The following RABEP1 variants were observed in gnomAD, a reference collection of about 807,000 sequenced individuals.
RABEP1 encodes rabaptin, RAB GTPase binding effector protein 1.
Under a neutral mutation model 123.4 loss-of-function variants are expected in RABEP1, and 51 were observed. That is an observed-to-expected ratio of 0.41 (90% CI 0.33 to 0.52). RABEP1 has a LOEUF of 0.52. Among genes scored for constraint, RABEP1 ranks in the 20% least tolerant of loss-of-function variants. RABEP1 has a pLI of 0.16. For missense variants in RABEP1, 888 were observed against 996.3 expected (o/e 0.89, Z 1.46); for synonymous variants, 347 against 355.2 (o/e 0.98, Z 0.26).
intron 1 of RABEP1, among the ~76,000 whole-genome samples, chr17:5,299,379 GTTTT>G (rs796302510): frequency 1.5e-5 from 2 of 135,978 alleles, no homozygotes; most frequent in Non-Finnish European, 3.2e-5. Flanking sequence ...TGTGTAGCAG[GTTTT>G]TTTTTTTTTT....
In RABEP1 at chr17:5,373,369, A is replaced by G. The variant is rs1910683579; in HGVS notation, c.1940A>G (p.Lys647Arg). ...QVSEELVRLQ[K>R]DNDSLQGKHS... ...TCAGAAGAGCTGGTGAGGTTACAGA[A>G]AGATAATGACAGTCTCCAGGGAAAG... Residue 647 changes from lysine to arginine, a missense_variant, in exon 13 of 18, where the codon AAA (lysine) becomes AGA (arginine). Transcript: ENST00000537505. 4 of 1,613,434 alleles carry G rather than the reference A, an allele frequency of 2.5e-6. No homozygotes were observed. The South Asian group carries it at 4.4e-5, about 18-fold the overall frequency.
chr17:5,381,372 A>C lies in RABEP1; in HGVS notation c.2371-17A>C. 2 of 1,605,888 alleles carry C rather than the reference A, an allele frequency of 1.2e-6. No homozygotes were observed. The highest frequency in any genetic ancestry group is 1.3e-5 in the African/African-American group (1 of 74,550). ...GCCCTTTGGCATTAATCTTCATTCA[A>C]AACTTGTATTTTTTAGGCTACCGTT... On this transcript the variant is annotated splice_polypyrimidine_tract_variant and intron_variant, in intron 16 of 17. Transcript: ENST00000537505.
rs749090013 is a variant in RABEP1, at chr17:5,361,321, G to A, written c.1209G>A (p.Arg403=). 21 of 1,614,134 alleles carry A rather than the reference G, an allele frequency of 1.3e-5. No homozygotes were observed. The highest frequency in any genetic ancestry group is 3.3e-5 in the Admixed American group (2 of 60,010). ...SDNDMFKDGL[R]RAQSTDSLGT... is the part of the protein sequence containing the mutation. ...ATGACATGTTTAAAGATGGACTCAGGAGAGCACAGTCTACAGACAGCTTGG... is the reference window on the plus strand; with the variant it reads ...ATGACATGTTTAAAGATGGACTCAGAAGAGCACAGTCTACAGACAGCTTGG... Residue 403 remains arginine (R), a synonymous_variant, in exon 9 of 18, where the codon AGG becomes AGA. Coordinates refer to ENST00000537505, the MANE Select transcript of RABEP1 (RefSeq NM_004703.6).
chr17:5,291,287 G>T (rs1342091855), intron 1 of RABEP1, among the ~76,000 whole-genome samples: 2 of 152,076 alleles, frequency 1.3e-5, no homozygotes, highest in East Asian at 3.9e-4. Flanking sequence ...GTGGGCACGT[G>T]TAACCCCAGC....
intron 1 of RABEP1, among the ~76,000 whole-genome samples, chr17:5,293,896 A>C (rs973766623): frequency 6.6e-6 from 1 of 152,072 alleles, no homozygotes; most frequent in Non-Finnish European, 1.5e-5. Context: ...TCAATTATTA[A>C]GTTGTTTCTA....
intron 2 of RABEP1, among the ~76,000 whole-genome samples, chr17:5,327,622 A>G (rs1055211188): frequency 6.6e-6 from 1 of 152,154 alleles, no homozygotes; most frequent in Non-Finnish European, 1.5e-5. Flanking sequence ...CCATGAGTGT[A>G]TGGTTACTGG....
intron 5 of RABEP1, among the ~76,000 whole-genome samples, chr17:5,344,970 A>G (rs1488439663): frequency 6.6e-6 from 1 of 151,774 alleles, no homozygotes; most frequent in Admixed American, 6.6e-5. Flanking sequence ...CTCAGAAAAA[A>G]AAATAAAAAA....
chr17:5,315,347 C>T (rs945104055), intron 2 of RABEP1, among the ~76,000 whole-genome samples: 1 of 152,160 alleles, frequency 6.6e-6, no homozygotes, highest in Admixed American at 6.6e-5. Flanking sequence ...GTACTGAGTT[C>T]TTCCTCCTAG....
chr17:5,299,725 CT>C (rs201875944), intron 1 of RABEP1, among the ~76,000 whole-genome samples: 1 of 104,086 alleles, frequency 9.6e-6, no homozygotes, highest in Non-Finnish European at 1.8e-5. Flanking sequence ...TTTTCTTTTT[CT>C]TTTTCTTTTT....
intron 1 of RABEP1, among the ~76,000 whole-genome samples, chr17:5,292,016 C>T (rs1197486887): frequency 6.6e-6 from 1 of 152,242 alleles, no homozygotes; most frequent in Admixed American, 6.5e-5. Context: ...ACAACATTCT[C>T]GTACATTAAT....
At position 5,386,072 on chromosome 17, in the gene RABEP1, A is replaced by G. The variant is rs2144754351; in HGVS notation, c.*2849A>G. On this transcript the variant is annotated 3_prime_UTR_variant, in exon 18 of 18. Coordinates refer to ENST00000537505, the MANE Select transcript of RABEP1 (RefSeq NM_004703.6). The stretch of plus-strand genomic sequence containing the variant: ...ATTTACTCAATTATTATAAAACAAC[A>G]TATTTAAAAAGATGAACCACACCAA... The G allele has an allele frequency of 1.6e-6, 1 of 637,086 alleles. No homozygotes were observed. Among genetic ancestry groups the G allele is most frequent in the Non-Finnish European group, 2.7e-6 (1 of 364,998 alleles). 39.5% of individuals were successfully genotyped at this position (637,086 alleles called of 1,614,324 possible). A position where few individuals can be genotyped will look rare whatever the true frequency, so the allele number is the denominator to read the frequency against.
chr17:5,303,955 C>T (rs1208886225), intron 1 of RABEP1, among the ~76,000 whole-genome samples: 1 of 151,512 alleles, frequency 6.6e-6, no homozygotes, highest in African/African-American at 2.4e-5. Flanking sequence ...ATCACTTGAA[C>T]CCCAGGAGGC....
chr17:5,369,101 T>C lies in RABEP1; in HGVS notation c.1884+633T>C, dbSNP rs561621955. ...TCCAGCCTGGGTGACACAGCAAGAC[T>C]CTCTTTCAAAAGAAAAAAAAAATAA... On this transcript the variant is annotated intron_variant, in intron 12 of 17. Coordinates refer to ENST00000537505, the MANE Select transcript of RABEP1 (RefSeq NM_004703.6). 3.3e-5 allele frequency among the ~76,000 whole-genome samples: 5 copies of C among 151,026 alleles called. No individual in the cohort carries two copies. The East Asian group carries it at 9.7e-4, about 29-fold the overall frequency.
intron 15 of RABEP1, among the ~76,000 whole-genome samples, chr17:5,378,957 C>T (rs1433510137): frequency 6.6e-6 from 1 of 152,224 alleles, no homozygotes; most frequent in Non-Finnish European, 1.5e-5. Flanking sequence ...CCTGCTGCTG[C>T]CCTCACCTGA....
intron 2 of RABEP1, among the ~76,000 whole-genome samples, chr17:5,319,534 T>C (rs1305149515): frequency 1.3e-5 from 2 of 151,664 alleles, no homozygotes; most frequent in African/African-American, 4.8e-5. Flanking sequence ...ACCTGGCTGA[T>C]TTTTGTATTT....
At chr17:5,347,152 A>G (rs1339778971) in intron 6 of RABEP1, among the ~76,000 whole-genome samples, 2 of 152,074 alleles carry the variant, frequency 1.3e-5, no homozygotes, top group Non-Finnish European at 2.9e-5. Flanking sequence ...GCTCACTCCT[A>G]TAATCCCAGC....
At chr17:5,336,439 A>T in intron 4 of RABEP1, 1 of 466,454 alleles carries the variant, frequency 2.1e-6, no homozygotes, top group Non-Finnish European at 4.2e-6. Flanking sequence ...CCATTTTTGT[A>T]TTCAGATTGC....
chr17:5,373,264 C>T lies in RABEP1; in HGVS notation c.1885-50C>T, dbSNP rs966023047. ...TGTTTTTCTCTGGTGTAGCTATCACCAGACCGGATCTACCTTTCTGGCTGT... is the reference window on the plus strand; with the variant it reads ...TGTTTTTCTCTGGTGTAGCTATCACTAGACCGGATCTACCTTTCTGGCTGT... On this transcript the variant is annotated intron_variant, in intron 12 of 17. Transcript: ENST00000537505. The T allele has an allele frequency of 1.9e-6, 3 of 1,576,826 alleles. No individual in the cohort carries two copies. The African/African-American group carries it at 4.1e-5, about 21-fold the overall frequency.
chr17:5,371,013 T>C (rs1198355060), intron 12 of RABEP1, among the ~76,000 whole-genome samples: 4 of 151,624 alleles, frequency 2.6e-5, no homozygotes, highest in Non-Finnish European at 4.4e-5. Flanking sequence ...GTCGCCCAGG[T>C]TGGAGTGCAG....
Sources: allele counts gnomAD v4.1 joint callset (sites outside exome capture counted in the v4.1 genomes callset), GRCh38; gene constraint gnomAD v4.1.1; transcripts MANE v1.5; gene names NCBI Gene and HGNC (gene_info 2026-07-23, HGNC 2026-07-21).